Variants in ASTN2 observed in about 807,000 individuals in gnomAD.
ASTN2 encodes the protein astrotactin 2, also known as astrotactin-2.
Under a neutral mutation model 139.8 loss-of-function variants are expected in ASTN2, and 54 were observed. That is an observed-to-expected ratio of 0.39 (90% CI 0.31 to 0.48). The LOEUF (loss-of-function observed/expected upper bound fraction) is 0.48, where lower values mean the gene tolerates loss of function less well. Among genes scored for constraint, ASTN2 ranks in the 20% least tolerant of loss-of-function variants. The pLI, the probability that ASTN2 is intolerant of heterozygous loss-of-function variation, is 0.95. For synonymous variants in ASTN2, 756 were observed against 719.5 expected (o/e 1.05, Z -0.81); for missense variants, 1,565 against 1,725.1 (o/e 0.91, Z 1.64).
intron 19 of ASTN2, among the ~76,000 whole-genome samples, chr9:116,525,358 G>A (rs1851046793): frequency 6.6e-6 from 1 of 152,180 alleles, no homozygotes; most frequent in Admixed American, 6.5e-5. Context: ...CCTTCTTGGG[G>A]CCCTCCCAAC....
intron 10 of ASTN2, among the ~76,000 whole-genome samples, chr9:116,960,827 CT>C (rs1284554220): frequency 6.6e-6 from 1 of 152,178 alleles, no homozygotes; most frequent in Non-Finnish European, 1.5e-5. Context: ...CTGATCATTC[CT>C]TCTAGATGCC....
intron 10 of ASTN2, among the ~76,000 whole-genome samples, chr9:116,920,244 C>T (rs1210326052): frequency 6.6e-6 from 1 of 152,184 alleles, no homozygotes; most frequent in Non-Finnish European, 1.5e-5. Context: ...CTCCCTGGTT[C>T]CCCAGTAGAG....
intron 13 of ASTN2, among the ~76,000 whole-genome samples, chr9:116,778,328 G>A (rs1425056596): frequency 6.6e-6 from 1 of 152,114 alleles, no homozygotes; most frequent in Non-Finnish European, 1.5e-5. Flanking sequence ...CTGCAGGAAG[G>A]ACATAATTTG....
At chr9:117,188,182 GAGAGAGAGAGAC>G (rs879485440) in intron 3 of ASTN2, among the ~76,000 whole-genome samples, 243 of 67,328 alleles carry the variant, frequency 3.6e-3, no homozygotes, top group African/African-American at 7.7e-3. Context: ...GAGAGAGAGA[GAGAGAGAGAGAC>G]AGAGAGAGAG....
At position 117,173,328 on chromosome 9, in the gene ASTN2, T is replaced by TACAAAAAAATCAAGCAG. The variant is rs1352292072; in HGVS notation, c.1016-31867_1016-31851dup. ...CATCTGTCTTAAAAGCAACCGTAAC[T>TACAAAAAAATCAAGCAG]ACAAAAAAATCAAGCAGGCAAAAAA... On this transcript the variant is annotated intron_variant, in intron 3 of 22. Coordinates refer to ENST00000313400, the MANE Select transcript of ASTN2 (RefSeq NM_001365068.1). Among the ~76,000 whole-genome samples the TACAAAAAAATCAAGCAG allele has an allele frequency of 3.9e-5, 6 of 152,092 alleles. No homozygotes were observed. In the East Asian group the frequency reaches 1.2e-3, roughly 29 times the overall value.
chr9:117,283,408 A>C (rs1420360305), intron 2 of ASTN2, among the ~76,000 whole-genome samples: 1 of 150,860 alleles, frequency 6.6e-6, no homozygotes, highest in Non-Finnish European at 1.5e-5. Flanking sequence ...TTACAATATT[A>C]AAAGTTCTAC....
rs144835983 is a variant in ASTN2 at position 117,323,729 on chromosome 9, C to T, written c.443-32216G>A. ...ACCCTCCTTCTAATACTAATTATTT[C>T]CCACAAGGTTTCCTGTTGCAAACAT... On this transcript the variant is annotated intron_variant, in intron 1 of 22. Transcript: ENST00000313400. 9.8e-3 allele frequency among the ~76,000 whole-genome samples: 1,490 copies of T among 152,246 alleles called. 27 individuals are homozygous for T. Among genetic ancestry groups the T allele is most frequent in the African/African-American group, 0.033 (1,381 of 41,548 alleles).
At chr9:116,530,504 G>A (rs1851298071) in intron 19 of ASTN2, among the ~76,000 whole-genome samples, 1 of 151,908 alleles carries the variant, frequency 6.6e-6, no homozygotes, top group Non-Finnish European at 1.5e-5. Context: ...TGAAAAATTA[G>A]TATGTGAGGT....
At chr9:117,075,658 C>A (rs1364110503) in intron 5 of ASTN2, among the ~76,000 whole-genome samples, 1 of 152,078 alleles carries the variant, frequency 6.6e-6, no homozygotes, top group Non-Finnish European at 1.5e-5. Context: ...ACTTTGTGAC[C>A]AGAAGTCAGA....
intron 16 of ASTN2, among the ~76,000 whole-genome samples, chr9:116,692,206 G>C (rs973168138): frequency 6.6e-6 from 1 of 152,186 alleles, no homozygotes; most frequent in Non-Finnish European, 1.5e-5. Flanking sequence ...TCAAGCATTA[G>C]GTGAAGATTT....
At chr9:116,914,614 G>A (rs1329910074) in intron 10 of ASTN2, among the ~76,000 whole-genome samples, 3 of 150,144 alleles carry the variant, frequency 2.0e-5, no homozygotes, top group Admixed American at 6.7e-5. Context: ...CAGTCTTCAT[G>A]AGGTGGTCCT....
In ASTN2 at chr9:117,036,665, T is replaced by C. The variant is rs73519388; in HGVS notation, c.1423+3154A>G. On this transcript the variant is annotated intron_variant, in intron 6 of 22. Transcript: ENST00000313400. ...GAAACCCCAGAGCCTGCTAAAGTTA[T>C]TCAAATTGGCCAATCTCAAATCTGT... Among the ~76,000 whole-genome samples the C allele has an allele frequency of 4.3e-3, 654 of 152,280 alleles. 6 individuals are homozygous for C. Among genetic ancestry groups the C allele is most frequent in the African/African-American group, 0.015 (623 of 41,572 alleles).
intron 5 of ASTN2, among the ~76,000 whole-genome samples, chr9:117,088,284 C>T (rs77047432): frequency 0.17 from 26,549 of 152,082 alleles, 2,887 homozygotes; most frequent in African/African-American, 0.29. Context: ...TCCTCCACCC[C>T]CTTCCCCAGT....
intron 20 of ASTN2, among the ~76,000 whole-genome samples, chr9:116,451,766 C>A (rs1196249874): frequency 5.3e-5 from 8 of 151,970 alleles, no homozygotes; most frequent in Admixed American, 2.0e-4. Flanking sequence ...CTTGCCCTCT[C>A]CATTCTGAAA....
At chr9:117,087,810 C>G (rs1485924842) in intron 5 of ASTN2, among the ~76,000 whole-genome samples, 1 of 152,162 alleles carries the variant, frequency 6.6e-6, no homozygotes, top group Non-Finnish European at 1.5e-5. Context: ...TTCTGCAATG[C>G]TAGGAAATGG....
intron 16 of ASTN2, among the ~76,000 whole-genome samples, chr9:116,655,178 A>G (rs1858138728): frequency 6.6e-6 from 1 of 152,210 alleles, no homozygotes; most frequent in Non-Finnish European, 1.5e-5. Flanking sequence ...TTTCTTAGAG[A>G]CTGTGTCATG....
chr9:117,224,246 T>C (rs918870249), intron 2 of ASTN2, among the ~76,000 whole-genome samples: 2 of 152,212 alleles, frequency 1.3e-5, no homozygotes, highest in Non-Finnish European at 2.9e-5. Context: ...GTCACTTGAG[T>C]TTCTTCAGTT....
chr9:117,164,098 T>G (rs1830613979), intron 3 of ASTN2, among the ~76,000 whole-genome samples: 1 of 152,160 alleles, frequency 6.6e-6, no homozygotes, highest in Non-Finnish European at 1.5e-5. Flanking sequence ...CATAAAGATC[T>G]GTCTTGAAAT....
At position 117,414,794 on chromosome 9, in the gene ASTN2, CCAGCAGCGGCGGCGGCGG is replaced by C. The variant is rs1831282390; in HGVS notation, c.127_144del (p.Pro43_Leu48del). On this transcript the variant is annotated inframe_deletion, in exon 1 of 23. Transcript: ENST00000313400. This position sits in a 1 kb window ranked among gnomAD's most constrained non-coding sequence, Gnocchi z 4.2. ...CGCGAGGCAGCGGCGGTGGCGCCGGCCAGCAGCGGCGGCGGCGGCAGCAGGAGCAGGAACAGCAGCAGC... is the reference window on the plus strand; with the variant it reads ...CGCGAGGCAGCGGCGGTGGCGCCGGCCAGCAGGAGCAGGAACAGCAGCAGC... 1.6e-6 allele frequency: 2 copies of C among 1,238,378 alleles called. No individual in the cohort carries two copies. Among genetic ancestry groups the C allele is most frequent in the African/African-American group, 3.2e-5 (2 of 62,346 alleles). The allele number at this position is 1,238,378 out of a possible 1,614,324, so 76.7% of individuals were successfully genotyped here.
Sources: gnomAD v4.1 joint callset for allele counts (sites outside exome capture counted in the v4.1 genomes callset) on GRCh38, gnomAD v4.1.1 for gene constraint, Gnocchi (gnomAD v3.1) non-coding constraint, MANE v1.5 for transcripts, NCBI Gene and HGNC (gene_info 2026-07-23, HGNC 2026-07-21) for gene names.